Variants in PTPRZ1 observed in about 807,000 individuals in gnomAD.
PTPRZ1 encodes the protein receptor-type tyrosine-protein phosphatase zeta.
In PTPRZ1, 82 loss-of-function variants were observed where a neutral mutation model predicts 214.1. The observed-to-expected ratio is 0.38, with a 90% CI of 0.32 to 0.46. The LOEUF is 0.46. Among genes scored for constraint, PTPRZ1 ranks in the 20% least tolerant of loss-of-function variants. PTPRZ1 has a pLI of 1.00. For missense variants in PTPRZ1, 2,603 were observed against 2,748.7 expected (o/e 0.95, Z 1.19); for synonymous variants, 945 against 987.9 (o/e 0.96, Z 0.81).
intron 6 of PTPRZ1, 129 bp from the exon 7 acceptor site, chr7:121,983,536 C>G: frequency 1.1e-6 from 1 of 917,388 alleles, no homozygotes; most frequent in Non-Finnish European, 1.6e-6. Flanking sequence ...AAAAATATAT[C>G]TAAAATGTTT....
chr7:121,880,523 A>G (rs2116158760), intron 1 of PTPRZ1, among the ~76,000 whole-genome samples: 1 of 152,176 alleles, frequency 6.6e-6, no homozygotes. Context: ...CTAAAGCTCT[A>G]ATGTATTTAC....
chr7:122,010,864 G>T lies in PTPRZ1; in HGVS notation c.1818G>T (p.Gly606=). The change falls in exon 12 of 30, where the codon GGG becomes GGT. Residue 606 remains glycine (G), a synonymous_variant. Coordinates refer to ENST00000393386, the MANE Select transcript of PTPRZ1 (RefSeq NM_002851.3). ...TCATCTCTGAGAACATATCCCAAGG[G>T]TATATATTTTCCTCCGAAAACCCAG... is the stretch of plus-strand genomic sequence containing the variant. The part of the protein sequence containing the change: ...IPFISENISQ[G]YIFSSENPET... The T allele has an allele frequency of 1.2e-6, 2 of 1,613,976 alleles. No individual in the cohort carries two copies. Among genetic ancestry groups the T allele is most frequent in the South Asian group, 1.1e-5 (1 of 91,072 alleles).
At chr7:122,004,765 G>A in intron 11 of PTPRZ1, 105 bp downstream of exon 11, 2 of 633,010 alleles carry the variant, frequency 3.2e-6, no homozygotes. Context: ...TTGTGTGTAT[G>A]ATTCACTGTT....
Position 122,012,615 on chromosome 7 carries a change from A to G in PTPRZ1, c.3569A>G (p.Asp1190Gly). The G allele has an allele frequency of 6.2e-7, 1 of 1,613,820 alleles. No individual in the cohort carries two copies. Among genetic ancestry groups the G allele is most frequent in the Non-Finnish European group, 8.5e-7 (1 of 1,179,790 alleles). ...VLLQPSFQASDVDTLLKTVLP... is the reference protein window; with the variant it reads ...VLLQPSFQASGVDTLLKTVLP... Reference sequence around the variant, plus strand: ...CTACAACCTTCCTTTCAGGCTTCTGATGTTGACACCTTGCTTAAAACTGTT... The same window carrying G: ...CTACAACCTTCCTTTCAGGCTTCTGGTGTTGACACCTTGCTTAAAACTGTT... The change falls in exon 12 of 30, where the codon GAT (aspartate) becomes GGT (glycine). Residue 1190 changes from aspartate (D) to glycine (G), a missense_variant. This residue lies in a region of PTPRZ1 where 1,913 missense variants were observed against 1,914.3 expected (regional missense o/e 1.00). Transcript: ENST00000393386.
At chr7:122,019,538 A>G (rs768019952) in intron 13 of PTPRZ1, among the ~76,000 whole-genome samples, 22 of 152,170 alleles carry the variant, frequency 1.4e-4, no homozygotes, top group Non-Finnish European at 2.5e-4. Context: ...AATCTAATTA[A>G]TAGATATCAT....
At chr7:122,035,632 C>T (rs907051686) in intron 17 of PTPRZ1, among the ~76,000 whole-genome samples, 1 of 152,186 alleles carries the variant, frequency 6.6e-6, no homozygotes, top group Non-Finnish European at 1.5e-5. Flanking sequence ...AAAAATAGGT[C>T]ACCCTGACAT....
At chr7:121,905,467 T>G (rs1429223574) in intron 1 of PTPRZ1, among the ~76,000 whole-genome samples, 1 of 152,168 alleles carries the variant, frequency 6.6e-6, no homozygotes. Context: ...AACAAGGCCA[T>G]GCAGATATGA....
intron 1 of PTPRZ1, chr7:121,908,411 AT>A (rs1386873233): frequency 1.9e-5 from 7 of 375,812 alleles, no homozygotes; most frequent in Non-Finnish European, 3.6e-5. Flanking sequence ...ATTTTATCCT[AT>A]TTTTTCTCTT....
At chr7:122,005,303 T>A (rs60248135) in intron 11 of PTPRZ1, among the ~76,000 whole-genome samples, 24,471 of 151,880 alleles carry the variant, frequency 0.16, 2,090 homozygotes, top group South Asian at 0.29. Flanking sequence ...ATCTTTTATA[T>A]TTCATCATAT....
intron 1 of PTPRZ1, among the ~76,000 whole-genome samples, chr7:121,879,894 G>A (rs939132861): frequency 9.2e-6 from 1 of 108,970 alleles, no homozygotes; most frequent in Non-Finnish European, 2.0e-5. Flanking sequence ...TTCTTTTTTT[G>A]TTGCTATTTC....
At chr7:121,986,889 C>T (rs191066763) in intron 8 of PTPRZ1, among the ~76,000 whole-genome samples, 1 of 152,218 alleles carries the variant, frequency 6.6e-6, no homozygotes, top group African/African-American at 2.4e-5. Flanking sequence ...GTGTGCCTTC[C>T]CCAGCTTCCT....
intron 8 of PTPRZ1, among the ~76,000 whole-genome samples, chr7:121,990,846 T>G (rs1190254248): frequency 6.6e-6 from 1 of 152,180 alleles, no homozygotes; most frequent in Non-Finnish European, 1.5e-5. Flanking sequence ...TTGTTTGTTT[T>G]TTAAATAATG....
rs1337682527 is a variant in PTPRZ1 at position 121,884,223 on chromosome 7, G to A, written c.58+10666G>A. On this transcript the variant is annotated intron_variant, in intron 1 of 29. Transcript: ENST00000393386. ...AGTTTCCTTTGATGGCTTTCAGGTG[G>A]GGAAATGACATGTAATGGTTTATAT... 3.3e-5 allele frequency among the ~76,000 whole-genome samples: 5 copies of A among 152,028 alleles called. No individual in the cohort carries two copies. The East Asian group carries it at 9.7e-4, about 29-fold the overall frequency.
Position 122,007,463 on chromosome 7 carries a change from A to G in PTPRZ1, c.1287+2803A>G, listed in dbSNP as rs145277471. Among the ~76,000 whole-genome samples, 154 of 152,254 alleles carry G rather than the reference A, an allele frequency of 1.0e-3. 1 individual carries two copies. Among genetic ancestry groups the G allele is most frequent in the Admixed American group, 3.4e-3 (52 of 15,276 alleles). On this transcript the variant is annotated intron_variant, in intron 11 of 29. Transcript: ENST00000393386. Reference sequence around the variant, plus strand: ...AAATTAACTATTGTATTAATAATATATTGTCAAATCGAAAGAGACCCATGT... The same window carrying G: ...AAATTAACTATTGTATTAATAATATGTTGTCAAATCGAAAGAGACCCATGT...
intron 1 of PTPRZ1, among the ~76,000 whole-genome samples, chr7:121,904,459 T>C (rs1389316468): frequency 6.6e-6 from 1 of 152,216 alleles, no homozygotes; most frequent in Non-Finnish European, 1.5e-5. Flanking sequence ...GATATTCACC[T>C]TGTGGACCAG....
At chr7:122,051,774 G>T in intron 24 of PTPRZ1, 92 bp from the exon 25 acceptor site, 1 of 1,174,054 alleles carries the variant, frequency 8.5e-7, no homozygotes, top group South Asian at 1.4e-5. Context: ...TTTACATCTG[G>T]CATGGGGAAA....
In PTPRZ1 at chr7:122,011,371, G is replaced by A. The variant is rs1459510992; in HGVS notation, c.2325G>A (p.Leu775=). Residue 775 remains leucine (L), a synonymous_variant, in exon 12 of 30, where the codon TTG becomes TTA. Coordinates refer to ENST00000393386, the MANE Select transcript of PTPRZ1 (RefSeq NM_002851.3). ...SEVFPLVTPL[L]LDNQILNTTP... is the part of the protein sequence containing the mutation. ...TCTTTCCTCTAGTCACCCCTTTGTTGCTTGACAATCAGATCCTCAACACTA... is the reference window on the plus strand; with the variant it reads ...TCTTTCCTCTAGTCACCCCTTTGTTACTTGACAATCAGATCCTCAACACTA... The A allele has an allele frequency of 2.5e-6, 4 of 1,613,958 alleles. No homozygotes were observed. The highest frequency in any genetic ancestry group is 3.4e-6 in the Non-Finnish European group (4 of 1,179,994).
At position 122,039,585 on chromosome 7, in the gene PTPRZ1, A is replaced by T; in HGVS notation, c.5634A>T (p.Lys1878Asn). 1 of 1,613,320 alleles carries T rather than the reference A, an allele frequency of 6.2e-7. No homozygotes were observed. The highest frequency in any genetic ancestry group is 8.5e-7 in the Non-Finnish European group (1 of 1,179,790). Residue 1878 changes from lysine (K) to asparagine (N), a missense_variant, in exon 20 of 30, where the codon AAA becomes AAT. Lys to Asn is a moderately conservative substitution (Grantham distance 94). Coordinates refer to ENST00000393386, the MANE Select transcript of PTPRZ1 (RefSeq NM_002851.3). ...TTACTCTAAGAAACACAAAAATAAA[A>T]AAGGTGAGTCAACAAAATGATGGGC... ...RNFTLRNTKIKKGSQKGRPSG... is the reference protein window; with the variant it reads ...RNFTLRNTKINKGSQKGRPSG...
Position 122,012,052 on chromosome 7 carries a change from T to G in PTPRZ1, c.3006T>G (p.Asp1002Glu), listed in dbSNP as rs1179665275. Residue 1002 changes from aspartate to glutamate, a missense_variant, in exon 12 of 30, where the codon GAT becomes GAG. Physicochemically the swap from Asp to Glu is conservative, Grantham distance 45 (BLOSUM62 2). Coordinates refer to ENST00000393386, the MANE Select transcript of PTPRZ1 (RefSeq NM_002851.3). ...GGGAATGGTCTGGAGCCTCTTCTGATAGTGAATTTCTTTTACCTGACACAG... is the reference window on the plus strand; with the variant it reads ...GGGAATGGTCTGGAGCCTCTTCTGAGAGTGAATTTCTTTTACCTGACACAG... ...GDGEWSGASS[D>E]SEFLLPDTDG... is the part of the protein sequence containing the mutation. 6 of 1,614,148 alleles carry G rather than the reference T, an allele frequency of 3.7e-6. No homozygotes were observed. In the Admixed American group the frequency reaches 1.0e-4, roughly 27 times the overall value.
Sources: gnomAD v4.1 joint callset for allele counts (sites outside exome capture counted in the v4.1 genomes callset) on GRCh38, gnomAD v4.1.1 for gene constraint, gnomAD v4.1.1 regional missense constraint, MANE v1.5 for transcripts, NCBI Gene and HGNC (gene_info 2026-07-23, HGNC 2026-07-21) for gene names.